The following CPAP variants were observed in gnomAD, a reference collection of about 807,000 sequenced individuals.
CPAP encodes the protein centrosome assembly and centriole elongation protein, also known as centrosomal P4.1-associated protein.
At chr13:24,904,890 C>T in the CPAP span, among the ~76,000 whole-genome samples, 2 of 152,138 alleles carry the variant, frequency 1.3e-5, no homozygotes, top group African/African-American at 4.8e-5. Context: ...TACTACACAT[C>T]CGTTAAATGG....
the CPAP span, chr13:24,922,746 T>G: frequency 6.6e-6 from 1 of 152,274 alleles, no homozygotes; most frequent in Non-Finnish European, 1.5e-5. Flanking sequence ...TCCGCTCTTT[T>G]CGCCCACAAA....
At chr13:24,892,937 G>C in the CPAP span, 1 of 1,099,058 alleles carries the variant, frequency 9.1e-7, no homozygotes, top group South Asian at 1.3e-5. Context: ...TAGAAGAATA[G>C]AGACCCAGCA....
At chr13:24,922,362 C>T in the CPAP span, among the ~76,000 whole-genome samples, 1 of 152,180 alleles carries the variant, frequency 6.6e-6, no homozygotes, top group Admixed American at 6.5e-5. Flanking sequence ...TGAATCCACA[C>T]GAAGCTTCAA....
At chr13:24,905,450 G>A in the CPAP span, 19 of 1,614,036 alleles carry the variant, frequency 1.2e-5, no homozygotes, top group African/African-American at 1.7e-4. Flanking sequence ...CATCAGCTCC[G>A]ATGTAGGAGG....
At chr13:24,894,965 C>CCTGG in the CPAP span, among the ~76,000 whole-genome samples, 1 of 152,106 alleles carries the variant, frequency 6.6e-6, no homozygotes, top group Non-Finnish European at 1.5e-5. Context: ...AGCCAGCAGG[C>CCTGG]CTGGCTGGCG....
At chr13:24,885,070 A>G in the CPAP span, among the ~76,000 whole-genome samples, 1 of 152,154 alleles carries the variant, frequency 6.6e-6, no homozygotes. Flanking sequence ...GAAGCTTTTA[A>G]GAAGTGCCAA....
chr13:24,883,984 C>T, the CPAP span: 145 of 1,613,988 alleles, frequency 9.0e-5, no homozygotes, highest in Non-Finnish European at 7.9e-5. Flanking sequence ...GACAATTGTA[C>T]CATCTGGGAA....
the CPAP span, among the ~76,000 whole-genome samples, chr13:24,897,217 G>A: frequency 6.6e-6 from 1 of 152,102 alleles, no homozygotes; most frequent in African/African-American, 2.4e-5. Flanking sequence ...ACTCCAGTCT[G>A]GGCCACAGAG....
chr13:24,917,193 G>A, the CPAP span, among the ~76,000 whole-genome samples: 1 of 152,290 alleles, frequency 6.6e-6, no homozygotes, highest in Non-Finnish European at 1.5e-5. Flanking sequence ...AGCAGATCTT[G>A]CAGTGAGCCG....
chr13:24,926,073 G>T, the CPAP span, among the ~76,000 whole-genome samples: 403 of 152,268 alleles, frequency 2.6e-3, 1 homozygote, highest in Non-Finnish European at 4.5e-3. Context: ...CTGAGTACTC[G>T]TTTCATCCAT....
the CPAP span, chr13:24,905,742 C>T: frequency 3.7e-6 from 6 of 1,614,150 alleles, no homozygotes; most frequent in East Asian, 4.5e-5. Context: ...ATAGACTCAT[C>T]GCTACTGTAA....
chr13:24,924,125 G>A, the CPAP span, among the ~76,000 whole-genome samples: 1 of 152,032 alleles, frequency 6.6e-6, no homozygotes, highest in Non-Finnish European at 1.5e-5. Context: ...GAGCCACCGC[G>A]CCCGGCCCAA....
chr13:24,909,707 T>A, the CPAP span: 1 of 1,323,544 alleles, frequency 7.6e-7, no homozygotes, highest in Non-Finnish European at 1.1e-6. Flanking sequence ...AAATAATTTT[T>A]AAAGAAAAAA....
the CPAP span, among the ~76,000 whole-genome samples, chr13:24,898,683 C>T: frequency 1.3e-5 from 2 of 152,114 alleles, no homozygotes; most frequent in Admixed American, 6.5e-5. Flanking sequence ...TCAAGCTGTA[C>T]GTGTGCAGGT....
At chr13:24,884,956 C>CTA in the CPAP span, among the ~76,000 whole-genome samples, 1 of 152,280 alleles carries the variant, frequency 6.6e-6, no homozygotes, top group Admixed American at 6.5e-5. Context: ...AGAAACTTTC[C>CTA]TAAGCATAAG....
the CPAP span, chr13:24,885,554 T>C: frequency 7.2e-7 from 1 of 1,388,464 alleles, no homozygotes; most frequent in Non-Finnish European, 1.0e-6. Context: ...AACAAATTGA[T>C]TTCAAGCCTA....
the CPAP span, chr13:24,892,908 A>C: frequency 2.7e-5 from 36 of 1,334,014 alleles, no homozygotes; most frequent in African/African-American, 4.0e-4. Flanking sequence ...CCATTACTAC[A>C]TTACCAGAAT....
chr13:24,889,905 C>T, the CPAP span, among the ~76,000 whole-genome samples: 1 of 152,064 alleles, frequency 6.6e-6, no homozygotes. Context: ...CCGCCATGTC[C>T]GTCCCTGCCA....
At chr13:24,902,322 C>T in the CPAP span, among the ~76,000 whole-genome samples, 6 of 152,006 alleles carry the variant, frequency 3.9e-5, no homozygotes, top group African/African-American at 1.2e-4. Context: ...AAAAGATGTC[C>T]GTTTTGAAAT....
Sources: allele counts gnomAD v4.1 joint callset (sites outside exome capture counted in the v4.1 genomes callset), GRCh38; gene constraint gnomAD v4.1.1; transcripts MANE v1.5; gene names NCBI Gene and HGNC (gene_info 2026-07-23, HGNC 2026-07-21).